Variants in NSMCE2 observed in about 807,000 individuals in gnomAD.
The protein encoded by NSMCE2 is E3 SUMO-protein ligase NSE2.
NSMCE2 carries 24 observed loss-of-function variants against 23.8 expected under a neutral mutation model. The observed-to-expected ratio is 1.01, with a 90% CI of 0.73 to 1.42. The LOEUF (loss-of-function observed/expected upper bound fraction) is 1.42. Among genes scored for constraint, NSMCE2 ranks in the 40% most tolerant of loss-of-function variants. The pLI is 0.00. For missense variants in NSMCE2, 284 were observed against 296.5 expected (o/e 0.96, Z 0.31); for synonymous variants, 92 against 94.1 (o/e 0.98, Z 0.13).
At chr8:125,179,215 T>A (rs1293960652) in intron 4 of NSMCE2, among the ~76,000 whole-genome samples, 1 of 152,210 alleles carries the variant, frequency 6.6e-6, no homozygotes, top group African/African-American at 2.4e-5. Flanking sequence ...AATAATCTAG[T>A]AGATCTCTCC....
At chr8:125,180,150 A>G (rs1344466361) in intron 4 of NSMCE2, among the ~76,000 whole-genome samples, 1 of 152,224 alleles carries the variant, frequency 6.6e-6, no homozygotes, top group African/African-American at 2.4e-5. Flanking sequence ...ATGTAGAGGT[A>G]GAGGATAGCT....
intron 5 of NSMCE2, among the ~76,000 whole-genome samples, chr8:125,202,489 G>A (rs759092450): frequency 1.3e-5 from 2 of 152,202 alleles, no homozygotes; most frequent in Non-Finnish European, 2.9e-5. Flanking sequence ...TCAGATAGTG[G>A]CACAACCAAG....
chr8:125,195,240 C>G (rs1823559652), intron 5 of NSMCE2, among the ~76,000 whole-genome samples: 1 of 152,090 alleles, frequency 6.6e-6, no homozygotes, highest in Non-Finnish European at 1.5e-5. Flanking sequence ...AGTTCAGTCT[C>G]TACCCCAGAG....
chr8:125,218,415 T>G (rs999004723), intron 5 of NSMCE2, among the ~76,000 whole-genome samples: 124 of 88,568 alleles, frequency 1.4e-3, no homozygotes, highest in African/African-American at 6.1e-3. Flanking sequence ...AAATTGAGGG[T>G]TTTTTTTTTT....
chr8:125,156,092 C>G (rs1419413160), intron 4 of NSMCE2: 1 of 377,724 alleles, frequency 2.6e-6, no homozygotes, highest in African/African-American at 2.2e-5. Context: ...TCAGCCTGGA[C>G]AACATAGTAA....
intron 5 of NSMCE2, among the ~76,000 whole-genome samples, chr8:125,205,490 G>A (rs1824076055): frequency 1.3e-5 from 2 of 152,208 alleles, no homozygotes; most frequent in East Asian, 3.9e-4. Flanking sequence ...GCTGCTTTTG[G>A]TGATGGTGCA....
chr8:125,144,745 G>A (rs968477602), intron 3 of NSMCE2, among the ~76,000 whole-genome samples: 8 of 151,976 alleles, frequency 5.3e-5, no homozygotes, highest in African/African-American at 1.9e-4. Flanking sequence ...ATACTTGTTT[G>A]TGCCTCATTC....
chr8:125,208,637 A>G (rs1276470093), intron 5 of NSMCE2, among the ~76,000 whole-genome samples: 1 of 152,224 alleles, frequency 6.6e-6, no homozygotes, highest in African/African-American at 2.4e-5. Context: ...GAGACAAATG[A>G]TTGAGTGCCA....
intron 5 of NSMCE2, among the ~76,000 whole-genome samples, chr8:125,184,755 G>C (rs563376746): frequency 6.6e-6 from 1 of 152,086 alleles, no homozygotes; most frequent in South Asian, 2.1e-4. Context: ...TCTTTCTTTA[G>C]ATTTAACACT....
chr8:125,252,049 C>G (rs1826217517), intron 5 of NSMCE2, among the ~76,000 whole-genome samples: 1 of 152,176 alleles, frequency 6.6e-6, no homozygotes, highest in South Asian at 2.1e-4. Context: ...AATATACTTA[C>G]AGATGTCATC....
chr8:125,125,836 CTTG>C (rs992243532), intron 3 of NSMCE2, among the ~76,000 whole-genome samples: 3 of 152,146 alleles, frequency 2.0e-5, no homozygotes, highest in Admixed American at 1.3e-4. Context: ...CATAGTTCAC[CTTG>C]TTGTCCCCTC....
intron 5 of NSMCE2, among the ~76,000 whole-genome samples, chr8:125,209,860 T>C (rs1824255988): frequency 6.6e-6 from 1 of 152,240 alleles, no homozygotes. Context: ...TATTTTAATA[T>C]CTGGACTATA....
At chr8:125,229,416 C>T (rs1211895005) in intron 5 of NSMCE2, among the ~76,000 whole-genome samples, 1 of 152,038 alleles carries the variant, frequency 6.6e-6, no homozygotes, top group African/African-American at 2.4e-5. Flanking sequence ...AACCTCCTTT[C>T]CAGTGGATTT....
chr8:125,105,219 C>T (rs539330098), intron 3 of NSMCE2, among the ~76,000 whole-genome samples: 51 of 152,276 alleles, frequency 3.3e-4, no homozygotes, highest in African/African-American at 1.2e-3. Flanking sequence ...TATTCATTTA[C>T]GGCTAACAGC....
intron 1 of NSMCE2, among the ~76,000 whole-genome samples, chr8:125,092,207 A>G (rs1817694406): frequency 6.6e-6 from 1 of 152,128 alleles, no homozygotes; most frequent in Non-Finnish European, 1.5e-5. Flanking sequence ...GTTTGAACTG[A>G]CTTTAAAAGT....
At chr8:125,204,267 A>G (rs1016670194) in intron 5 of NSMCE2, among the ~76,000 whole-genome samples, 3 of 152,212 alleles carry the variant, frequency 2.0e-5, no homozygotes, top group South Asian at 2.1e-4. Context: ...GGCAACAACT[A>G]CACTCTTAAG....
intron 3 of NSMCE2, among the ~76,000 whole-genome samples, chr8:125,141,586 T>G (rs1348030981): frequency 6.6e-6 from 1 of 152,160 alleles, no homozygotes; most frequent in Non-Finnish European, 1.5e-5. Context: ...AGGTGCAGGG[T>G]GCCTGGCACA....
intron 5 of NSMCE2, among the ~76,000 whole-genome samples, chr8:125,255,110 C>T (rs1281957542): frequency 3.9e-5 from 6 of 151,912 alleles, no homozygotes; most frequent in Non-Finnish European, 8.8e-5. Flanking sequence ...TGTGATGAAG[C>T]CTAAAGACCC....
At chr8:125,364,841 TC>T (rs1813711245) in intron 7 of NSMCE2, among the ~76,000 whole-genome samples, 1 of 152,152 alleles carries the variant, frequency 6.6e-6, no homozygotes, top group Non-Finnish European at 1.5e-5. Context: ...CAAGGGAGGC[TC>T]AAGAGGGTTA....
Sources: gnomAD v4.1 joint callset for allele counts (sites outside exome capture counted in the v4.1 genomes callset) on GRCh38, gnomAD v4.1.1 for gene constraint, MANE v1.5 for transcripts, NCBI Gene and HGNC (gene_info 2026-07-23, HGNC 2026-07-21) for gene names.